SLC25A21: variants seen among roughly 807,000 people sequenced by gnomAD.
SLC25A21 encodes mitochondrial 2-oxodicarboxylate carrier.
In SLC25A21, 47 loss-of-function variants were observed where a neutral mutation model predicts 43.8. The ratio of observed to expected loss-of-function variants is 1.07; its 90% CI spans 0.85 to 1.37. SLC25A21 has a LOEUF of 1.37. SLC25A21 is among the 40% of genes most tolerant of loss of function. The pLI is 0.00. For missense variants in SLC25A21, 352 were observed against 350.2 expected, an observed-to-expected ratio of 1.00 and a Z score of -0.04; for synonymous variants, 131 against 121.3, an observed-to-expected ratio of 1.08 and a Z score of -0.52.
At chr14:36,824,802 TAAAAAAAAAAAA>T (rs11386652) in intron 2 of SLC25A21, among the ~76,000 whole-genome samples, 1 of 99,598 alleles carries the variant, frequency 1.0e-5, no homozygotes, top group African/African-American at 4.0e-5. Flanking sequence ...TCTGGAATCC[TAAAAAAAAAAAA>T]AAAAAAAAAG....
At position 36,678,721 on chromosome 14, in the gene SLC25A21, C is replaced by A. The variant is rs1566482779; in HGVS notation, c.*1937G>T. 5 of 1,203,044 alleles carry A rather than the reference C, an allele frequency of 4.2e-6. No homozygotes were observed. Among genetic ancestry groups the A allele is most frequent in the Non-Finnish European group, 5.2e-6 (5 of 964,724 alleles). 74.5% of individuals were successfully genotyped at this position (1,203,044 alleles called of 1,614,324 possible). ...ATTTTCTTTATCTAAATTAAGAAAT[C>A]TCTTGTTATTGTGCTATTTATAATT... On this transcript the variant is annotated 3_prime_UTR_variant, in exon 10 of 10. Transcript: ENST00000331299.
intron 1 of SLC25A21, among the ~76,000 whole-genome samples, chr14:36,905,757 G>A (rs1198964151): frequency 6.6e-6 from 1 of 152,152 alleles, no homozygotes; most frequent in Non-Finnish European, 1.5e-5. Context: ...GGCAAATGAA[G>A]GACATCTGAC....
chr14:37,092,202 G>A (rs1487206842), intron 1 of SLC25A21, among the ~76,000 whole-genome samples: 2 of 152,086 alleles, frequency 1.3e-5, no homozygotes, highest in African/African-American at 4.8e-5. Flanking sequence ...TATAAAGTAG[G>A]GAGCCACAGA....
At chr14:36,719,809 A>T (rs1443974448) in intron 6 of SLC25A21, among the ~76,000 whole-genome samples, 1 of 152,160 alleles carries the variant, frequency 6.6e-6, no homozygotes, top group Non-Finnish European at 1.5e-5. Context: ...ACTGGGCAGG[A>T]GGCATATTTT....
chr14:37,043,744 T>C (rs1961524116), intron 1 of SLC25A21, among the ~76,000 whole-genome samples: 1 of 151,924 alleles, frequency 6.6e-6, no homozygotes, highest in Non-Finnish European at 1.5e-5. Flanking sequence ...CTTTTTTTGT[T>C]TTGTTTTTAA....
intron 6 of SLC25A21, among the ~76,000 whole-genome samples, chr14:36,723,150 A>G (rs2139208201): frequency 6.6e-6 from 1 of 152,380 alleles, no homozygotes; most frequent in East Asian, 1.9e-4. Context: ...GACCTATAAG[A>G]TACTAGCAAA....
intron 2 of SLC25A21, among the ~76,000 whole-genome samples, chr14:36,833,986 C>G (rs1889121142): frequency 6.6e-6 from 1 of 152,144 alleles, no homozygotes; most frequent in African/African-American, 2.4e-5. Context: ...ATATCTAGAA[C>G]TAAAAAATTC....
intron 1 of SLC25A21, among the ~76,000 whole-genome samples, chr14:36,912,166 T>A (rs1891703656): frequency 1.3e-5 from 2 of 152,250 alleles, no homozygotes; most frequent in Non-Finnish European, 2.9e-5. Context: ...TCTATTTCAT[T>A]AACTTTGCTA....
intron 1 of SLC25A21, among the ~76,000 whole-genome samples, chr14:37,151,884 T>C (rs1486545714): frequency 1.3e-5 from 2 of 151,784 alleles, no homozygotes; most frequent in Non-Finnish European, 2.9e-5. Flanking sequence ...AAAATACAAA[T>C]ATTAGCTGGG....
intron 1 of SLC25A21, among the ~76,000 whole-genome samples, chr14:36,919,611 TTATCTATCTACCTATCTATC>T (rs774984637): frequency 0.018 from 2,222 of 125,902 alleles, 64 homozygotes; most frequent in African/African-American, 0.061. Flanking sequence ...AAATTCAAGA[TTATCTATCTACCTATCTATC>T]TATCTATCTA....
chr14:36,904,179 C>A (rs146753341), intron 1 of SLC25A21, among the ~76,000 whole-genome samples: 1 of 152,126 alleles, frequency 6.6e-6, no homozygotes, highest in African/African-American at 2.4e-5. Flanking sequence ...TAGGCTTAGC[C>A]AATGGGAAAT....
intron 3 of SLC25A21, among the ~76,000 whole-genome samples, chr14:36,760,519 T>C (rs908147391): frequency 6.6e-6 from 1 of 152,006 alleles, no homozygotes; most frequent in African/African-American, 2.4e-5. Flanking sequence ...GAGAGAAAAA[T>C]TGAACACCAG....
intron 1 of SLC25A21, among the ~76,000 whole-genome samples, chr14:37,161,527 T>C (rs371045243): frequency 6.6e-6 from 1 of 152,196 alleles, no homozygotes; most frequent in Admixed American, 6.5e-5. Flanking sequence ...TAACTCCTGG[T>C]ACCTGTGAAT....
intron 2 of SLC25A21, among the ~76,000 whole-genome samples, chr14:36,852,456 T>C (rs753314816): frequency 6.6e-6 from 1 of 152,188 alleles, no homozygotes; most frequent in Non-Finnish European, 1.5e-5. Context: ...TATTAAAATG[T>C]CAATGGAATT....
chr14:37,009,335 A>T (rs562804060), intron 1 of SLC25A21, among the ~76,000 whole-genome samples: 66 of 152,112 alleles, frequency 4.3e-4, no homozygotes, highest in African/African-American at 1.6e-3. Flanking sequence ...AAAATACAAA[A>T]ATTAGCTGGG....
At chr14:36,773,356 G>A (rs1261765861) in intron 3 of SLC25A21, among the ~76,000 whole-genome samples, 1 of 152,078 alleles carries the variant, frequency 6.6e-6, no homozygotes, top group East Asian at 1.9e-4. Flanking sequence ...ATTCATCTGG[G>A]AGGACCCCTA....
chr14:36,867,519 G>A (rs1323501830), intron 2 of SLC25A21, among the ~76,000 whole-genome samples: 2 of 152,114 alleles, frequency 1.3e-5, no homozygotes, highest in Non-Finnish European at 2.9e-5. Flanking sequence ...CGTGTGGCAC[G>A]AGGCCAGCAG....
chr14:37,129,283 C>A lies in SLC25A21; in HGVS notation c.70+42998G>T, dbSNP rs190708711. Among the ~76,000 whole-genome samples, 667 of 152,276 alleles carry A rather than the reference C, an allele frequency of 4.4e-3. 7 individuals are homozygous for A. Among genetic ancestry groups the A allele is most frequent in the African/African-American group, 0.015 (613 of 41,568 alleles). ...TTCTTTGATTTACAACCTAGAAAAACCAAACAATTGGCACTTTTTTATGCA... is the reference window on the plus strand; with the variant it reads ...TTCTTTGATTTACAACCTAGAAAAAACAAACAATTGGCACTTTTTTATGCA... On this transcript the variant is annotated intron_variant, in intron 1 of 9. Coordinates refer to ENST00000331299, the MANE Select transcript of SLC25A21 (RefSeq NM_030631.4).
At chr14:37,109,956 C>T (rs996170553) in intron 1 of SLC25A21, among the ~76,000 whole-genome samples, 1 of 152,070 alleles carries the variant, frequency 6.6e-6, no homozygotes, top group Admixed American at 6.6e-5. Context: ...AACTAAATTG[C>T]AGCTTAAATG....
Sources: gnomAD v4.1 joint callset for allele counts (sites outside exome capture counted in the v4.1 genomes callset) on GRCh38, gnomAD v4.1.1 for gene constraint, MANE v1.5 for transcripts, NCBI Gene and HGNC (gene_info 2026-07-23, HGNC 2026-07-21) for gene names.